The following BBX variants were observed in gnomAD, a reference collection of about 807,000 sequenced individuals.
The protein encoded by BBX is HMG box transcription factor BBX.
Under a neutral mutation model 100.2 loss-of-function variants are expected in BBX, and 30 were observed. The observed-to-expected ratio is 0.30, with a 90% CI of 0.22 to 0.41. The LOEUF is 0.41. BBX is among the 10% of genes least tolerant of loss of function. BBX has a pLI of 1.00. For missense variants in BBX, 1,023 were observed against 1,129.8 expected (o/e 0.91, Z 1.35); for synonymous variants, 376 against 388.1 (o/e 0.97, Z 0.37).
chr3:107,798,847 AAAAC>A, intron 16 of BBX, 127 bp downstream of exon 16: 27 of 1,059,368 alleles, frequency 2.5e-5, no homozygotes, highest in Non-Finnish European at 3.0e-5. Context: ...AAAAAAAAAA[AAAAC>A]AAAAACAAAA....
chr3:107,751,182 T>A (rs2065049394), intron 9 of BBX, among the ~76,000 whole-genome samples: 1 of 152,220 alleles, frequency 6.6e-6, no homozygotes, highest in African/African-American at 2.4e-5. Flanking sequence ...AAGGGATTGA[T>A]GTATAAAAGA....
intron 2 of BBX, among the ~76,000 whole-genome samples, chr3:107,630,076 T>C (rs1181333686): frequency 6.6e-6 from 1 of 152,202 alleles, no homozygotes; most frequent in African/African-American, 2.4e-5. Flanking sequence ...TTAGTTGTTA[T>C]CACTTCAGTC....
chr3:107,799,125 G>A (rs1016685172), intron 16 of BBX, among the ~76,000 whole-genome samples: 1 of 151,634 alleles, frequency 6.6e-6, no homozygotes, highest in African/African-American at 2.4e-5. Flanking sequence ...ACTCCAGCCT[G>A]GGCGACAGAG....
chr3:107,650,871 G>A (rs988378153), intron 3 of BBX, among the ~76,000 whole-genome samples: 1 of 152,220 alleles, frequency 6.6e-6, no homozygotes, highest in Non-Finnish European at 1.5e-5. Flanking sequence ...CTGGAGGCTA[G>A]AAGTCAGTGA....
chr3:107,584,117 ATAATATATATAT>A (rs2052582277), intron 2 of BBX, among the ~76,000 whole-genome samples: 1 of 22,716 alleles, frequency 4.4e-5, no homozygotes, highest in African/African-American at 1.6e-4. Context: ...TATATTATAT[ATAATATATATAT>A]TATTATATAT....
intron 5 of BBX, among the ~76,000 whole-genome samples, chr3:107,717,875 C>G (rs1448481221): frequency 6.6e-6 from 1 of 151,828 alleles, no homozygotes. Flanking sequence ...TTGCAACTTG[C>G]AAAAAGATCT....
chr3:107,710,237 C>T (rs1226167323), intron 3 of BBX, among the ~76,000 whole-genome samples: 1 of 152,146 alleles, frequency 6.6e-6, no homozygotes, highest in African/African-American at 2.4e-5. Context: ...ATTTAGCCCA[C>T]TAAAATGAAT....
chr3:107,777,812 A>G (rs561045746), intron 12 of BBX, among the ~76,000 whole-genome samples: 2 of 152,232 alleles, frequency 1.3e-5, no homozygotes, highest in Admixed American at 6.5e-5. Context: ...CCTAGTATTA[A>G]TGCTTTTTGT....
intron 6 of BBX, among the ~76,000 whole-genome samples, chr3:107,732,249 A>G (rs1343175491): frequency 6.6e-6 from 1 of 152,164 alleles, no homozygotes; most frequent in African/African-American, 2.4e-5. Context: ...AACCTGGGTT[A>G]TAGATCTACC....
At chr3:107,732,849 G>T in intron 6 of BBX, 107 bp from the exon 7 acceptor site, 1 of 895,898 alleles carries the variant, frequency 1.1e-6, no homozygotes, top group Non-Finnish European at 1.7e-6. Context: ...GTTATATGTG[G>T]TTCTGTTGGA....
chr3:107,651,370 A>C (rs1028245628), intron 3 of BBX, among the ~76,000 whole-genome samples: 13 of 152,170 alleles, frequency 8.5e-5, no homozygotes, highest in Admixed American at 2.0e-4. Context: ...CATCCATGAA[A>C]ATAAGGTTCT....
chr3:107,805,633 T>TC lies in BBX; in HGVS notation c.*177dup. On this transcript the variant is annotated 3_prime_UTR_variant, in exon 18 of 18. Coordinates refer to ENST00000325805, the MANE Select transcript of BBX (RefSeq NM_001142568.3). ...TAGCATCCTGGGCCAGTTTGTTCTC[T>TC]CAGAACCCAGAATCTTTGAGGGTAA... 8.1e-7 allele frequency: 1 copy of TC among 1,232,934 alleles called. No homozygotes were observed. Among genetic ancestry groups the TC allele is most frequent in the South Asian group, 1.5e-5 (1 of 65,692 alleles). The allele number at this position is 1,232,934 out of a possible 1,614,324, so 76.4% of individuals were successfully genotyped here.
At chr3:107,771,072 T>C (rs2066869908) in intron 10 of BBX, among the ~76,000 whole-genome samples, 1 of 152,176 alleles carries the variant, frequency 6.6e-6, no homozygotes, top group African/African-American at 2.4e-5. Flanking sequence ...CCCTTCTAAG[T>C]TGCTAATACA....
chr3:107,720,125 T>C (rs1192230056), intron 5 of BBX, among the ~76,000 whole-genome samples: 2 of 152,026 alleles, frequency 1.3e-5, no homozygotes, highest in African/African-American at 4.8e-5. Context: ...GAGTTATGAT[T>C]ATTCCCATTC....
Position 107,728,751 on chromosome 3 carries a change from C to A in BBX, c.406-14C>A. The A allele has an allele frequency of 6.3e-7, 1 of 1,589,566 alleles. No individual in the cohort carries two copies. Among genetic ancestry groups the A allele is most frequent in the South Asian group, 1.1e-5 (1 of 87,282 alleles). ...TTGTTAATTAAAATCTGCTGTCTGTCGTTTTATTTATAGTATAAGGATGCA... is the reference window on the plus strand; with the variant it reads ...TTGTTAATTAAAATCTGCTGTCTGTAGTTTTATTTATAGTATAAGGATGCA... On this transcript the variant is annotated splice_polypyrimidine_tract_variant and intron_variant, in intron 5 of 17. Transcript: ENST00000325805.
At chr3:107,641,544 G>A (rs2057213985) in intron 2 of BBX, among the ~76,000 whole-genome samples, 1 of 151,836 alleles carries the variant, frequency 6.6e-6, no homozygotes, top group Non-Finnish European at 1.5e-5. Context: ...ACTTTTTTTT[G>A]GAGAATCCAA....
chr3:107,774,984 C>T, intron 12 of BBX, 127 bp downstream of exon 12: 1 of 1,077,496 alleles, frequency 9.3e-7, no homozygotes, highest in Non-Finnish European at 1.3e-6. Flanking sequence ...TTCCTACAAT[C>T]TTAGTAGGCA....
chr3:107,621,114 A>G (rs1157367078), intron 2 of BBX, among the ~76,000 whole-genome samples: 11 of 151,948 alleles, frequency 7.2e-5, no homozygotes, highest in Non-Finnish European at 1.5e-5. Flanking sequence ...TTCTGTGATG[A>G]TTGGCTTGTA....
intron 2 of BBX, among the ~76,000 whole-genome samples, chr3:107,640,628 T>A (rs1291634597): frequency 6.6e-6 from 1 of 152,186 alleles, no homozygotes; most frequent in Non-Finnish European, 1.5e-5. Flanking sequence ...CTCATCAGCT[T>A]TAAGAAAGCA....
Sources: gnomAD v4.1 joint callset for allele counts (sites outside exome capture counted in the v4.1 genomes callset) on GRCh38, gnomAD v4.1.1 for gene constraint, MANE v1.5 for transcripts, NCBI Gene and HGNC (gene_info 2026-07-23, HGNC 2026-07-21) for gene names.